HS3ST5: variants seen among roughly 807,000 people sequenced by gnomAD.
The protein encoded by HS3ST5 is heparan sulfate glucosamine 3-O-sulfotransferase 5.
A neutral mutation model predicts 25.4 loss-of-function variants in HS3ST5; 10 were observed. That is an observed-to-expected ratio of 0.39 (90% CI 0.24 to 0.67). The LOEUF (loss-of-function observed/expected upper bound fraction) is 0.67. HS3ST5 is among the 30% of genes least tolerant of loss of function. The pLI, the probability that HS3ST5 is intolerant of heterozygous loss-of-function variation, is 0.44. For synonymous variants in HS3ST5, 170 were observed against 162.4 expected (o/e 1.05, Z -0.36); for missense variants, 324 against 420.7 (o/e 0.77, Z 2.01).
At chr6:114,148,846 ACAGTC>A (rs1778302098) in intron 3 of HS3ST5, among the ~76,000 whole-genome samples, 1 of 152,230 alleles carries the variant, frequency 6.6e-6, no homozygotes, top group South Asian at 2.1e-4. Flanking sequence ...TACCCATCTG[ACAGTC>A]GTAATATCCA....
At position 114,057,631 on chromosome 6, in the gene HS3ST5, T is replaced by C; in HGVS notation, c.667A>G (p.Asn223Asp). The change falls in exon 5 of 5, where the codon AAC becomes GAC. Residue 223 changes from asparagine to aspartate, a missense_variant. Around this residue, in one of 2 missense-constraint regions of HS3ST5, gnomAD observed 203 missense variants for 303.4 expected, o/e 0.67. Transcript: ENST00000312719. Reference protein sequence around the residue: ...LAIDPNTCEVNTKYKAVRTSI... With the variant: ...LAIDPNTCEVDTKYKAVRTSI... ...GTTCTTACTGCTTTGTATTTTGTGT[T>C]CACTTCGCATGTATTAGGGTCTATG... 1 of 1,614,186 alleles carries C rather than the reference T, an allele frequency of 6.2e-7. No homozygotes were observed. The highest frequency in any genetic ancestry group is 2.2e-5 in the East Asian group (1 of 44,876).
intron 2 of HS3ST5, among the ~76,000 whole-genome samples, chr6:114,227,193 C>T (rs996273603): frequency 1.4e-5 from 2 of 140,204 alleles, no homozygotes; most frequent in African/African-American, 5.2e-5. Context: ...CAATTCTCTA[C>T]ATGTAAAACT....
intron 3 of HS3ST5, among the ~76,000 whole-genome samples, chr6:114,091,543 G>A (rs1219530944): frequency 6.6e-6 from 1 of 152,016 alleles, no homozygotes; most frequent in Non-Finnish European, 1.5e-5. Flanking sequence ...AATTAGCTGG[G>A]CATCGTGGTG....
intron 1 of HS3ST5, among the ~76,000 whole-genome samples, chr6:114,302,160 T>C (rs1446629806): frequency 5.9e-5 from 9 of 152,158 alleles, no homozygotes. Context: ...CACACATTCA[T>C]TTTATGTGTG....
intron 3 of HS3ST5, among the ~76,000 whole-genome samples, chr6:114,075,303 T>G (rs982948336): frequency 8.5e-5 from 13 of 152,212 alleles, no homozygotes; most frequent in Admixed American, 8.5e-4. Flanking sequence ...AAAGGCAGGA[T>G]CCGCTGCACT....
intron 1 of HS3ST5, among the ~76,000 whole-genome samples, chr6:114,315,993 G>A (rs1008950483): frequency 6.6e-6 from 1 of 152,260 alleles, no homozygotes; most frequent in South Asian, 2.1e-4. Flanking sequence ...AGCCAGCAGA[G>A]CATTTCATTT....
At chr6:114,154,072 C>T (rs533165324) in intron 3 of HS3ST5, among the ~76,000 whole-genome samples, 19 of 152,060 alleles carry the variant, frequency 1.2e-4, no homozygotes, top group Non-Finnish European at 2.5e-4. Context: ...GAAGCAAAGG[C>T]AAATCCAGAT....
intron 3 of HS3ST5, among the ~76,000 whole-genome samples, chr6:114,129,650 A>T (rs1014295700): frequency 6.6e-6 from 1 of 152,152 alleles, no homozygotes; most frequent in Non-Finnish European, 1.5e-5. Flanking sequence ...CATCACCGAA[A>T]ATTCTCTGGG....
chr6:114,334,393 C>A (rs1776525181), intron 1 of HS3ST5, among the ~76,000 whole-genome samples: 2 of 152,174 alleles, frequency 1.3e-5, no homozygotes, highest in South Asian at 4.1e-4. Flanking sequence ...AGGTCACAGA[C>A]AGCTAGCTCA....
At chr6:114,147,593 G>A (rs770692304) in intron 3 of HS3ST5, among the ~76,000 whole-genome samples, 17 of 151,966 alleles carry the variant, frequency 1.1e-4, no homozygotes, top group African/African-American at 3.1e-4. Flanking sequence ...GAGGGGTGGC[G>A]GAGATGTTTT....
chr6:114,285,277 C>T (rs1774289451), intron 1 of HS3ST5, among the ~76,000 whole-genome samples: 1 of 151,948 alleles, frequency 6.6e-6, no homozygotes, highest in East Asian at 1.9e-4. Context: ...GCAACATACA[C>T]TGGGGCCTAT....
intron 2 of HS3ST5, among the ~76,000 whole-genome samples, chr6:114,220,086 A>T (rs1781961960): frequency 6.6e-6 from 1 of 152,066 alleles, no homozygotes; most frequent in South Asian, 2.1e-4. Flanking sequence ...TTTAAATTAT[A>T]TTGGTTTAAT....
intron 2 of HS3ST5, among the ~76,000 whole-genome samples, chr6:114,206,853 A>G (rs1781294250): frequency 6.6e-6 from 1 of 152,212 alleles, no homozygotes; most frequent in Non-Finnish European, 1.5e-5. Context: ...AGTTGCATAC[A>G]TAGATTAACC....
chr6:114,291,864 G>GT (rs1473835536), intron 1 of HS3ST5, among the ~76,000 whole-genome samples: 1 of 152,064 alleles, frequency 6.6e-6, no homozygotes, highest in African/African-American at 2.4e-5. Flanking sequence ...TTTTTCACAC[G>GT]TAAGAGAATA....
intron 4 of HS3ST5, among the ~76,000 whole-genome samples, chr6:114,061,458 A>G (rs1773108888): frequency 6.6e-6 from 1 of 152,256 alleles, no homozygotes; most frequent in African/African-American, 2.4e-5. Flanking sequence ...AATGACACCA[A>G]CTGAAGGAAA....
chr6:114,331,173 T>C (rs1206243135), intron 1 of HS3ST5, among the ~76,000 whole-genome samples: 3 of 152,174 alleles, frequency 2.0e-5, no homozygotes, highest in African/African-American at 4.8e-5. Context: ...TGCAAGATAA[T>C]AAAACTAGGC....
intron 1 of HS3ST5, among the ~76,000 whole-genome samples, chr6:114,325,086 G>C (rs1019120140): frequency 1.3e-5 from 2 of 152,138 alleles, no homozygotes; most frequent in Middle Eastern, 3.2e-3. Flanking sequence ...GACTGCATCA[G>C]TTGAATCTCC....
At chr6:114,279,922 G>A (rs561490882) in intron 1 of HS3ST5, among the ~76,000 whole-genome samples, 2 of 151,986 alleles carry the variant, frequency 1.3e-5, no homozygotes, top group South Asian at 4.2e-4. Context: ...CCAATATTAT[G>A]GAGTAGCTAG....
At chr6:114,070,279 GAA>G (rs542740095) in intron 3 of HS3ST5, among the ~76,000 whole-genome samples, 25 of 113,778 alleles carry the variant, frequency 2.2e-4, no homozygotes, top group Admixed American at 2.7e-4. Context: ...ATGGGGAGAT[GAA>G]AAAAAAAAAA....
Sources: allele counts gnomAD v4.1 joint callset (sites outside exome capture counted in the v4.1 genomes callset), GRCh38; gene constraint gnomAD v4.1.1; regional missense constraint gnomAD v4.1.1; transcripts MANE v1.5; gene names NCBI Gene and HGNC (gene_info 2026-07-23, HGNC 2026-07-21).